Variants in AFF3 observed in about 807,000 individuals in gnomAD.
The protein encoded by AFF3 is ALF transcription elongation factor 3.
In AFF3, 32 loss-of-function variants were observed where a neutral mutation model predicts 129.7. The observed-to-expected ratio is 0.25, with a 90% CI of 0.19 to 0.33. The LOEUF is 0.33. Among genes scored for constraint, AFF3 ranks in the 10% least tolerant of loss-of-function variants. AFF3 has a pLI of 1.00. For missense variants in AFF3, 1,373 were observed against 1,592.0 expected (o/e 0.86, Z 2.34); for synonymous variants, 644 against 635.4 (o/e 1.01, Z -0.20).
At chr2:99,612,548 T>C (rs1681035899) in intron 13 of AFF3, among the ~76,000 whole-genome samples, 1 of 152,250 alleles carries the variant, frequency 6.6e-6, no homozygotes, top group Non-Finnish European at 1.5e-5. Flanking sequence ...AAATGTTATG[T>C]TCATAGTGAA....
At chr2:99,819,108 T>G (rs1687458538) in intron 8 of AFF3, among the ~76,000 whole-genome samples, 1 of 152,236 alleles carries the variant, frequency 6.6e-6, no homozygotes, top group African/African-American at 2.4e-5. Flanking sequence ...AAAGTATATT[T>G]TTGTAGAATG....
At chr2:99,989,169 T>C (rs1288547584) in intron 7 of AFF3, among the ~76,000 whole-genome samples, 1 of 152,186 alleles carries the variant, frequency 6.6e-6, no homozygotes, top group Non-Finnish European at 1.5e-5. Flanking sequence ...GCTGGTCATT[T>C]TAAGTATGGA....
chr2:99,770,913 G>A (rs1198266242), intron 8 of AFF3, among the ~76,000 whole-genome samples: 1 of 152,158 alleles, frequency 6.6e-6, no homozygotes, highest in Non-Finnish European at 1.5e-5. Context: ...CAGAAGGAAG[G>A]GGTCTCTTTT....
intron 7 of AFF3, among the ~76,000 whole-genome samples, chr2:99,993,792 CTTTTTTTTTTTTT>C (rs751882272): frequency 3.9e-4 from 28 of 72,548 alleles, no homozygotes; most frequent in East Asian, 3.2e-3. Context: ...AACACTTTAT[CTTTTTTTTTTTTT>C]TTTTTTTTTT....
intron 12 of AFF3, among the ~76,000 whole-genome samples, chr2:99,672,001 G>A (rs1162361624): frequency 4.6e-5 from 7 of 152,034 alleles, no homozygotes; most frequent in Non-Finnish European, 8.8e-5. Context: ...AAGACAAACA[G>A]CCTATACTGA....
intron 7 of AFF3, among the ~76,000 whole-genome samples, chr2:99,917,427 C>T (rs998338951): frequency 3.3e-5 from 5 of 152,152 alleles, no homozygotes; most frequent in African/African-American, 1.2e-4. Flanking sequence ...AGAAGAGACT[C>T]TGCATACTCA....
chr2:99,862,110 C>T (rs887464837), intron 7 of AFF3, among the ~76,000 whole-genome samples: 3 of 152,148 alleles, frequency 2.0e-5, no homozygotes, highest in African/African-American at 7.2e-5. Flanking sequence ...TTCCCCAAGA[C>T]CTCATCATTG....
At chr2:99,853,912 T>G (rs1288935802) in intron 7 of AFF3, among the ~76,000 whole-genome samples, 2 of 152,208 alleles carry the variant, frequency 1.3e-5, no homozygotes, top group East Asian at 3.8e-4. Context: ...GTGTTTCAAA[T>G]GAATTAAAAA....
chr2:99,842,359 A>AT (rs1689379709), intron 7 of AFF3, among the ~76,000 whole-genome samples: 1 of 152,112 alleles, frequency 6.6e-6, no homozygotes, highest in African/African-American at 2.4e-5. Flanking sequence ...TCGTGTTTAT[A>AT]TTTTTCACAA....
chr2:99,860,859 T>C (rs899165893), intron 7 of AFF3, among the ~76,000 whole-genome samples: 8 of 152,228 alleles, frequency 5.3e-5, no homozygotes, highest in African/African-American at 7.2e-5. Context: ...TCACTACCCA[T>C]AGTTATCATG....
intron 4 of AFF3, among the ~76,000 whole-genome samples, chr2:100,063,815 C>T (rs185773320): frequency 4.6e-5 from 7 of 152,176 alleles, no homozygotes; most frequent in Non-Finnish European, 7.4e-5. Context: ...TCAGGCTGGG[C>T]GCGGTGGCTC....
chr2:99,575,414 A>AT (rs540441950), intron 18 of AFF3, among the ~76,000 whole-genome samples: 4,149 of 127,428 alleles, frequency 0.033, 106 homozygotes, highest in Non-Finnish European at 0.047. Context: ...TGCCTGGCTA[A>AT]TTTTTTTTTT....
intron 4 of AFF3, among the ~76,000 whole-genome samples, chr2:100,010,813 T>C (rs1434533491): frequency 6.6e-6 from 1 of 152,164 alleles, no homozygotes; most frequent in African/African-American, 2.4e-5. Context: ...ACATTTGTAA[T>C]ATGAAACCCC....
chr2:99,716,695 A>G (rs1678422370), intron 11 of AFF3, among the ~76,000 whole-genome samples: 1 of 151,958 alleles, frequency 6.6e-6, no homozygotes, highest in African/African-American at 2.4e-5. Flanking sequence ...AGCCTGGCCA[A>G]CATGGTGAAA....
chr2:99,574,661 C>A (rs887502265), intron 18 of AFF3, among the ~76,000 whole-genome samples: 1 of 152,194 alleles, frequency 6.6e-6, no homozygotes, highest in African/African-American at 2.4e-5. Flanking sequence ...GTTTATTCAA[C>A]CATTAACAAG....
At chr2:99,891,679 G>A (rs1386171880) in intron 7 of AFF3, among the ~76,000 whole-genome samples, 6 of 152,186 alleles carry the variant, frequency 3.9e-5, no homozygotes, top group African/African-American at 9.6e-5. Flanking sequence ...CTCACTGTGC[G>A]AGGCGATACT....
intron 20 of AFF3, 135 bp from the exon 21 acceptor site, chr2:99,560,571 C>A (rs924845552): frequency 2.5e-6 from 2 of 800,254 alleles, no homozygotes; most frequent in Non-Finnish European, 4.0e-6. Context: ...ATAGTACTTG[C>A]TGATAATTCT....
At chr2:99,626,043 G>C (rs549279746) in intron 13 of AFF3, among the ~76,000 whole-genome samples, 1 of 152,148 alleles carries the variant, frequency 6.6e-6, no homozygotes, top group Non-Finnish European at 1.5e-5. Context: ...GTTACTGAAG[G>C]GTCTTCAGTT....
intron 8 of AFF3, among the ~76,000 whole-genome samples, chr2:99,809,732 G>C (rs1686643934): frequency 6.6e-6 from 1 of 152,220 alleles, no homozygotes; most frequent in African/African-American, 2.4e-5. Flanking sequence ...CCACTTTCCT[G>C]ATGAGTCCCA....
Sources: gnomAD v4.1 joint callset for allele counts (sites outside exome capture counted in the v4.1 genomes callset) on GRCh38, gnomAD v4.1.1 for gene constraint, MANE v1.5 for transcripts, NCBI Gene and HGNC (gene_info 2026-07-23, HGNC 2026-07-21) for gene names.